The following F13A1 variants were observed in gnomAD, a reference collection of about 807,000 sequenced individuals.
The protein encoded by F13A1 is FSF, A subunit.
Under a neutral mutation model 80.1 loss-of-function variants are expected in F13A1, and 47 were observed. The observed-to-expected ratio is 0.59, with a 90% CI of 0.46 to 0.75. F13A1 has a LOEUF of 0.75. Among genes scored for constraint, F13A1 ranks in the 30% least tolerant of loss-of-function variants. The pLI is 0.00. For synonymous variants in F13A1, 349 were observed against 344.9 expected, an observed-to-expected ratio of 1.01 and a Z score of -0.13; for missense variants, 817 against 930.4, an observed-to-expected ratio of 0.88 and a Z score of 1.59.
intron 7 of F13A1, among the ~76,000 whole-genome samples, chr6:6,224,424 T>C (rs1757246792): frequency 6.6e-6 from 1 of 152,226 alleles, no homozygotes; most frequent in South Asian, 2.1e-4. Flanking sequence ...TGTAACCCTC[T>C]ATTTCTTCGG....
intron 9 of F13A1, 90 bp downstream of exon 9, chr6:6,197,133 G>T: frequency 8.2e-7 from 1 of 1,212,586 alleles, no homozygotes; most frequent in Non-Finnish European, 1.2e-6. Flanking sequence ...GCCTCCCAAT[G>T]GGCGTGGTTC....
chr6:6,265,058 C>T (rs555871124), intron 4 of F13A1, among the ~76,000 whole-genome samples: 3 of 152,116 alleles, frequency 2.0e-5, no homozygotes, highest in South Asian at 2.1e-4. Flanking sequence ...CCCAAGAGTT[C>T]GAGACCAGCC....
intron 2 of F13A1, among the ~76,000 whole-genome samples, chr6:6,309,057 G>T (rs976693312): frequency 6.6e-6 from 1 of 151,984 alleles, no homozygotes; most frequent in Admixed American, 6.6e-5. Flanking sequence ...ATTGAATTTG[G>T]CTCACTGTCC....
intron 13 of F13A1, among the ~76,000 whole-genome samples, chr6:6,153,662 G>A (rs998267670): frequency 2.0e-5 from 3 of 152,204 alleles, no homozygotes; most frequent in African/African-American, 7.2e-5. Context: ...CACCTAGACA[G>A]CATGGATCGT....
At chr6:6,225,456 A>T (rs1757263103) in intron 6 of F13A1, among the ~76,000 whole-genome samples, 1 of 152,096 alleles carries the variant, frequency 6.6e-6, no homozygotes, top group Non-Finnish European at 1.5e-5. Flanking sequence ...TTCCCATGGG[A>T]TGCTTACAGA....
intron 2 of F13A1, among the ~76,000 whole-genome samples, chr6:6,307,221 G>A (rs985710322): frequency 3.3e-5 from 5 of 152,104 alleles, no homozygotes; most frequent in Non-Finnish European, 7.4e-5. Context: ...TTCACAGGGC[G>A]TGGTGCTCCC....
intron 3 of F13A1, among the ~76,000 whole-genome samples, chr6:6,294,577 C>T (rs1758289143): frequency 6.6e-6 from 1 of 151,910 alleles, no homozygotes; most frequent in Non-Finnish European, 1.5e-5. Flanking sequence ...TGTACAAACA[C>T]ACACACACAC....
intron 9 of F13A1, 84 bp downstream of exon 9, chr6:6,197,139 G>T: frequency 7.6e-7 from 1 of 1,309,988 alleles, no homozygotes; most frequent in Non-Finnish European, 1.1e-6. Flanking sequence ...CAATGGGCGT[G>T]GTTCCCACAC....
At chr6:6,161,551 T>TGTGTGTGTGTGTGTGTGTGTGA (rs1010361754) in intron 13 of F13A1, among the ~76,000 whole-genome samples, 108 of 146,370 alleles carry the variant, frequency 7.4e-4, no homozygotes, top group African/African-American at 2.5e-3. Context: ...TGTGTGTGTG[T>TGTGTGTGTGTGTGTGTGTGTGA]GAGAGAGAGA....
intron 2 of F13A1, among the ~76,000 whole-genome samples, chr6:6,318,170 G>A (rs956207619): frequency 3.3e-5 from 5 of 152,206 alleles, no homozygotes; most frequent in African/African-American, 1.2e-4. Flanking sequence ...CAATATTTTG[G>A]AAGTGGAATA....
Position 6,182,135 on chromosome 6 carries a change from T to C in F13A1, c.1312A>G (p.Ser438Gly). 2 of 1,614,102 alleles carry C rather than the reference T, an allele frequency of 1.2e-6. No individual in the cohort carries two copies. The highest frequency in any genetic ancestry group is 1.7e-6 in the Non-Finnish European group (2 of 1,180,010). The change falls in exon 11 of 15, where the codon AGC (serine) becomes GGC (glycine). Residue 438 changes from serine (S) to glycine (G), a missense_variant. Transcript: ENST00000264870. Reference protein sequence around the residue: ...DAPFVFAEVNSDLIYITAKKD... With the variant: ...DAPFVFAEVNGDLIYITAKKD... The stretch of plus-strand genomic sequence containing the variant: ...TTAGCTGTAATGTAAATGAGGTCGC[T>C]GTTGACCTGGAAACAGGAGAGGAGA...
At chr6:6,249,067 G>A (rs3024390) in intron 5 of F13A1, among the ~76,000 whole-genome samples, 17,418 of 152,176 alleles carry the variant, frequency 0.11, 1,229 homozygotes, top group African/African-American at 0.18. Flanking sequence ...GCTAGCCACA[G>A]GCAATACCAG....
In F13A1 at chr6:6,228,105, G is replaced by A. The variant is rs543948135; in HGVS notation, c.799-3245C>T. ...CTCTCATGATCTCAGGGTTTGACCA[G>A]TGGCAGAATAAAGTGTCTTGGTCTT... On this transcript the variant is annotated intron_variant, in intron 6 of 14. Transcript: ENST00000264870. 3.3e-5 allele frequency among the ~76,000 whole-genome samples: 5 copies of A among 152,294 alleles called. No homozygotes were observed. In the South Asian group the frequency reaches 1.0e-3, roughly 32 times the overall value.
chr6:6,162,013 G>C lies in F13A1; in HGVS notation c.1908+5445C>G, dbSNP rs1451529239. Among the ~76,000 whole-genome samples, 2 of 152,134 alleles carry C rather than the reference G, an allele frequency of 1.3e-5. No individual in the cohort carries two copies. The highest frequency in any genetic ancestry group is 2.9e-5 in the Non-Finnish European group (2 of 68,008). On this transcript the variant is annotated intron_variant, in intron 13 of 14. Coordinates refer to ENST00000264870, the MANE Select transcript of F13A1 (RefSeq NM_000129.4). This position sits in a 1 kb window ranked among gnomAD's most constrained non-coding sequence, Gnocchi z 4.2. ...TAGGAAACTCCAGTTCCAAGGCTGA[G>C]TTGGGTACTTCCTGGAGAAGACAAT... is the stretch of plus-strand genomic sequence containing the variant.
At chr6:6,179,534 C>T (rs1583057976) in intron 11 of F13A1, among the ~76,000 whole-genome samples, 1 of 152,200 alleles carries the variant, frequency 6.6e-6, no homozygotes, top group East Asian at 1.9e-4. Flanking sequence ...GACGAGTCCT[C>T]ACTGCATGCC....
chr6:6,200,800 G>A (rs1475686616), intron 8 of F13A1, among the ~76,000 whole-genome samples: 1 of 152,284 alleles, frequency 6.6e-6, no homozygotes, highest in South Asian at 2.1e-4. Flanking sequence ...GGCAGGGTCT[G>A]CAGGGAGAGA....
At chr6:6,182,595 A>G (rs1012014427) in intron 10 of F13A1, among the ~76,000 whole-genome samples, 1 of 152,098 alleles carries the variant, frequency 6.6e-6, no homozygotes, top group African/African-American at 2.4e-5. Context: ...AGGTACATGG[A>G]TGAGTTTGTC....
intron 6 of F13A1, among the ~76,000 whole-genome samples, chr6:6,238,605 T>C (rs985968923): frequency 3.3e-5 from 5 of 151,984 alleles, no homozygotes; most frequent in Non-Finnish European, 7.4e-5. Flanking sequence ...GGGGAAAATA[T>C]GTTCTATACA....
intron 8 of F13A1, among the ~76,000 whole-genome samples, chr6:6,220,099 C>G (rs1015205764): frequency 6.6e-6 from 1 of 152,164 alleles, no homozygotes; most frequent in East Asian, 1.9e-4. Flanking sequence ...CCCTTTAATC[C>G]CTGTGCTTCA....
Sources: allele counts gnomAD v4.1 joint callset (sites outside exome capture counted in the v4.1 genomes callset), GRCh38; gene constraint gnomAD v4.1.1; non-coding constraint Gnocchi (gnomAD v3.1); transcripts MANE v1.5; gene names NCBI Gene and HGNC (gene_info 2026-07-23, HGNC 2026-07-21).